Variants in DNM3 observed in about 807,000 individuals in gnomAD.
DNM3 encodes dynamin-3.
A neutral mutation model predicts 101.6 loss-of-function variants in DNM3; 47 were observed. That is an observed-to-expected ratio of 0.46 (90% CI 0.37 to 0.59). The LOEUF is 0.59. Ranked by LOEUF, DNM3 falls within the 20% of genes least tolerant of loss-of-function variation. The pLI, the probability that DNM3 is intolerant of heterozygous loss-of-function variation, is 0.00. For synonymous variants in DNM3, 385 were observed against 387.9 expected (o/e 0.99, Z 0.09); for missense variants, 849 against 1,085.7 (o/e 0.78, Z 3.06).
chr1:171,868,736 C>A (rs879648013), intron 1 of DNM3, among the ~76,000 whole-genome samples: 8 of 152,032 alleles, frequency 5.3e-5, no homozygotes, highest in Non-Finnish European at 1.2e-4. Flanking sequence ...ATTGATTGAG[C>A]AGTTGTGGTG....
chr1:172,038,477 C>A lies in DNM3; in HGVS notation c.992+16C>A. The A allele has an allele frequency of 1.2e-6, 2 of 1,608,190 alleles. No individual in the cohort carries two copies. The highest frequency in any genetic ancestry group is 1.7e-6 in the Non-Finnish European group (2 of 1,177,878). On this transcript the variant is annotated intron_variant, in intron 7 of 20. Transcript: ENST00000627582. Reference sequence around the variant, plus strand: ...CATTGCTGCAGTAGGTCACCTTTCCCTTCCTTGGCTCAGCATTTTAATCTA... The same window carrying A: ...CATTGCTGCAGTAGGTCACCTTTCCATTCCTTGGCTCAGCATTTTAATCTA...
chr1:172,322,399 C>A (rs1375722207), intron 16 of DNM3, among the ~76,000 whole-genome samples: 3 of 152,198 alleles, frequency 2.0e-5, no homozygotes, highest in Non-Finnish European at 2.9e-5. Flanking sequence ...TCACGTCTCC[C>A]CCACAGGATC....
chr1:172,393,439 T>G (rs1419173440), intron 20 of DNM3: 1 of 152,638 alleles, frequency 6.6e-6, no homozygotes, highest in African/African-American at 2.4e-5. Context: ...TTTGAATCCC[T>G]TACGTCAAGG....
intron 17 of DNM3, among the ~76,000 whole-genome samples, chr1:172,360,106 T>A (rs1409204558): frequency 6.6e-6 from 1 of 152,070 alleles, no homozygotes; most frequent in African/African-American, 2.4e-5. Context: ...AGTGTACATA[T>A]TAGTATTTTC....
At chr1:172,110,822 G>A (rs2055414335) in intron 13 of DNM3, among the ~76,000 whole-genome samples, 1 of 152,164 alleles carries the variant, frequency 6.6e-6, no homozygotes, top group Non-Finnish European at 1.5e-5. Context: ...GATTGCTTGA[G>A]CCCAGGAGTT....
At chr1:171,945,760 G>A (rs1384315377) in intron 2 of DNM3, among the ~76,000 whole-genome samples, 2 of 152,128 alleles carry the variant, frequency 1.3e-5, no homozygotes, top group African/African-American at 2.4e-5. Context: ...ATGGGGATTG[G>A]CGTGGGATGT....
At chr1:172,034,800 T>TG (rs1356976737) in intron 6 of DNM3, among the ~76,000 whole-genome samples, 5 of 152,134 alleles carry the variant, frequency 3.3e-5, no homozygotes, top group African/African-American at 1.2e-4. Context: ...ATTTTCACTG[T>TG]CGGGGGAAGG....
chr1:172,338,747 A>T, intron 17 of DNM3: 1 of 452,224 alleles, frequency 2.2e-6, no homozygotes, highest in South Asian at 1.6e-5. Flanking sequence ...CAAAGAAGTC[A>T]TTACCATATC....
At chr1:171,862,120 A>G (rs1436784222) in intron 1 of DNM3, among the ~76,000 whole-genome samples, 2 of 152,180 alleles carry the variant, frequency 1.3e-5, no homozygotes, top group African/African-American at 4.8e-5. Flanking sequence ...ACACTCATCC[A>G]TTACTGGTGG....
At chr1:172,042,292 GGA>G in intron 8 of DNM3, 148 bp downstream of exon 8, 2 of 736,370 alleles carry the variant, frequency 2.7e-6, no homozygotes, top group South Asian at 6.5e-5. Flanking sequence ...ATTCAGGAGA[GGA>G]ATATGTTCTT....
rs190609873 is a variant in DNM3 at position 172,295,280 on chromosome 1, A to T, written c.1770-13448A>T. On this transcript the variant is annotated intron_variant, in intron 15 of 20. Coordinates refer to ENST00000627582, the MANE Select transcript of DNM3 (RefSeq NM_015569.5). ...AAAAAACGAATCCAAGTAAGAATTT[A>T]CAACGGGGAAGTCCAGGTAGAAGAT... Among the ~76,000 whole-genome samples the T allele has an allele frequency of 4.0e-3, 614 of 152,344 alleles. 6 individuals are homozygous for T. Among genetic ancestry groups the T allele is most frequent in the Middle Eastern group, 0.01 (3 of 294 alleles).
chr1:172,144,474 G>A (rs949227998), intron 14 of DNM3: 6 of 380,610 alleles, frequency 1.6e-5, no homozygotes, highest in Non-Finnish European at 3.3e-5. Flanking sequence ...ATTCAAAAAA[G>A]GAGCAAACAA....
At chr1:172,382,670 C>A (rs1392173651) in intron 18 of DNM3, among the ~76,000 whole-genome samples, 4 of 152,102 alleles carry the variant, frequency 2.6e-5, no homozygotes, top group African/African-American at 4.8e-5. Context: ...CCTACCCCCA[C>A]AGGGTATTCA....
At chr1:172,352,861 T>C (rs1008917656) in intron 17 of DNM3, among the ~76,000 whole-genome samples, 3 of 152,174 alleles carry the variant, frequency 2.0e-5, no homozygotes, top group Admixed American at 2.0e-4. Flanking sequence ...TTTGGAGGAC[T>C]TAAGTAAATA....
At chr1:172,073,552 A>G (rs1209128471) in intron 11 of DNM3, among the ~76,000 whole-genome samples, 2 of 152,176 alleles carry the variant, frequency 1.3e-5, no homozygotes, top group Non-Finnish European at 2.9e-5. Flanking sequence ...TGGGTAGGGG[A>G]TAAGGATCAT....
intron 1 of DNM3, among the ~76,000 whole-genome samples, chr1:171,902,876 G>C (rs147081981): frequency 6.6e-6 from 1 of 152,308 alleles, no homozygotes; most frequent in African/African-American, 2.4e-5. Context: ...GCTTGTTAAA[G>C]GGTTGAACTC....
chr1:172,350,591 A>G (rs2067160345), intron 17 of DNM3, among the ~76,000 whole-genome samples: 1 of 152,186 alleles, frequency 6.6e-6, no homozygotes, highest in African/African-American at 2.4e-5. Flanking sequence ...AATGCAATAA[A>G]GTATCTAGAT....
At chr1:171,947,496 G>GA (rs144105916) in intron 2 of DNM3, among the ~76,000 whole-genome samples, 2,053 of 152,158 alleles carry the variant, frequency 0.013, 56 homozygotes, top group African/African-American at 0.046. Flanking sequence ...ATAACAGCCT[G>GA]AAAAAATCAG....
At chr1:172,001,963 T>G (rs2046384581) in intron 4 of DNM3, among the ~76,000 whole-genome samples, 1 of 152,056 alleles carries the variant, frequency 6.6e-6, no homozygotes, top group Non-Finnish European at 1.5e-5. Flanking sequence ...GAGGTGCTGC[T>G]TAGTTGAGCA....
Sources: allele counts gnomAD v4.1 joint callset (sites outside exome capture counted in the v4.1 genomes callset), GRCh38; gene constraint gnomAD v4.1.1; transcripts MANE v1.5; gene names NCBI Gene and HGNC (gene_info 2026-07-23, HGNC 2026-07-21).